NRXN3: variants seen among roughly 807,000 people sequenced by gnomAD.
NRXN3 encodes the protein neurexin 3, also known as neurexin III.
A neutral mutation model predicts 137.6 loss-of-function variants in NRXN3; 32 were observed. The observed-to-expected ratio is 0.23, with a 90% confidence interval of 0.18 to 0.31. The LOEUF (loss-of-function observed/expected upper bound fraction) is 0.31, where lower values mean the gene tolerates loss of function less well. Among genes scored for constraint, NRXN3 ranks in the 10% least tolerant of loss-of-function variants. The pLI, the probability that NRXN3 is intolerant of heterozygous loss-of-function variation, is 1.00. For missense variants in NRXN3, 1,574 were observed against 2,062.5 expected (o/e 0.76, Z 4.59); for synonymous variants, 798 against 784.5 (o/e 1.02, Z -0.29).
chr14:78,346,387 C>A (rs924195228), intron 4 of NRXN3, among the ~76,000 whole-genome samples: 1 of 152,210 alleles, frequency 6.6e-6, no homozygotes. Flanking sequence ...CTCAGTAATT[C>A]TCATAATCAC....
At chr14:79,694,840 G>A (rs1355018798) in intron 18 of NRXN3, among the ~76,000 whole-genome samples, 1 of 151,964 alleles carries the variant, frequency 6.6e-6, no homozygotes, top group African/African-American at 2.4e-5. Flanking sequence ...CCAAGGTACA[G>A]GGAGCTAGGA....
chr14:79,862,247 G>T lies in NRXN3; in HGVS notation c.*283G>T. On this transcript the variant is annotated 3_prime_UTR_variant, in exon 21 of 21. Transcript: ENST00000335750. ...TCATAAAGCACACACTTAGCGCTCT[G>T]GAGCCGGACGGTGGCTCCACCACTT... 3.6e-6 allele frequency: 1 copy of T among 276,210 alleles called. No individual in the cohort carries two copies. The highest frequency in any genetic ancestry group is 6.9e-6 in the Non-Finnish European group (1 of 145,162). 17.1% of individuals were successfully genotyped at this position (276,210 alleles called of 1,614,324 possible). A position where few individuals can be genotyped will look rare whatever the true frequency, so the allele number is the denominator to read the frequency against.
At chr14:79,197,993 T>C (rs1319773627) in intron 15 of NRXN3, among the ~76,000 whole-genome samples, 2 of 152,210 alleles carry the variant, frequency 1.3e-5, no homozygotes, top group African/African-American at 2.4e-5. Flanking sequence ...CTGAAGAAAC[T>C]ACTCTTTGCT....
At chr14:78,181,353 C>T (rs1438062835) in intron 1 of NRXN3, among the ~76,000 whole-genome samples, 1 of 151,926 alleles carries the variant, frequency 6.6e-6, no homozygotes. Context: ...GTGGAGATCT[C>T]TAGGGGTAGC....
At chr14:79,387,320 G>C (rs1271243393) in intron 15 of NRXN3, among the ~76,000 whole-genome samples, 2 of 152,168 alleles carry the variant, frequency 1.3e-5, no homozygotes, top group African/African-American at 2.4e-5. Context: ...CTCAAAAGAA[G>C]ACATTTATGC....
At chr14:79,709,463 C>G (rs985625041) in intron 19 of NRXN3, among the ~76,000 whole-genome samples, 2 of 152,122 alleles carry the variant, frequency 1.3e-5, no homozygotes, top group African/African-American at 4.8e-5. Context: ...ACTGCATACC[C>G]CCAAGGCAGA....
chr14:79,438,611 A>G (rs1488847458), intron 15 of NRXN3, among the ~76,000 whole-genome samples: 1 of 152,222 alleles, frequency 6.6e-6, no homozygotes, highest in Non-Finnish European at 1.5e-5. Context: ...TGAGTAGAGC[A>G]GCAACAACAA....
intron 15 of NRXN3, among the ~76,000 whole-genome samples, chr14:79,029,876 C>T (rs1173771567): frequency 2.0e-5 from 3 of 151,780 alleles, no homozygotes; most frequent in South Asian, 2.1e-4. Flanking sequence ...AACAGGGACT[C>T]ATTTTTTTCA....
chr14:79,634,717 C>T (rs1185225695), intron 16 of NRXN3, among the ~76,000 whole-genome samples: 1 of 152,172 alleles, frequency 6.6e-6, no homozygotes, highest in Non-Finnish European at 1.5e-5. Flanking sequence ...GCTCTTTCCT[C>T]TTTCCTTTAC....
intron 8 of NRXN3, among the ~76,000 whole-genome samples, chr14:78,717,203 AG>A: frequency 6.6e-6 from 1 of 152,208 alleles, no homozygotes; most frequent in East Asian, 1.9e-4. Context: ...GACTGTAGCC[AG>A]CTGTACAAGG....
At position 78,179,840 on chromosome 14, in the gene NRXN3, TTG is replaced by T. The variant is rs1396975224; in HGVS notation, c.-704+9168_-704+9169del. Among the ~76,000 whole-genome samples the T allele has an allele frequency of 4.4e-3, 615 of 139,128 alleles. 9 individuals are homozygous for T. Among genetic ancestry groups the T allele is most frequent in the South Asian group, 0.018 (81 of 4,412 alleles). 91.3% of individuals were successfully genotyped at this position (139,128 alleles called of 152,430 possible). ...TTTTTTTTTGTTTGTTTCTGTTTTT[TTG>T]TTTTTTTTTTTTTCTTGTTTTAGAC... is the stretch of plus-strand genomic sequence containing the variant. On this transcript the variant is annotated intron_variant, in intron 1 of 20. Coordinates refer to ENST00000335750, the MANE Select transcript of NRXN3 (RefSeq NM_001330195.2).
chr14:79,043,443 C>T lies in NRXN3; in HGVS notation c.3262+55302C>T, dbSNP rs183516372. 2.9e-4 allele frequency among the ~76,000 whole-genome samples: 44 copies of T among 152,310 alleles called. 1 individual carries two copies. Among genetic ancestry groups the T allele is most frequent in the Admixed American group, 2.6e-3 (40 of 15,298 alleles). On this transcript the variant is annotated intron_variant, in intron 15 of 20. Transcript: ENST00000335750. ...GCTTGCTTAAGTGAAGCAGTTTGCA[C>T]TCTGCCTCTTTATTCAGTTAGGCCT...
At chr14:78,403,852 G>T in intron 4 of NRXN3, 2 of 985,286 alleles carry the variant, frequency 2.0e-6, no homozygotes, top group Non-Finnish European at 2.4e-6. Context: ...TTCCATTCCT[G>T]CAGTGAAATT....
chr14:78,841,227 T>C (rs957272415), intron 10 of NRXN3, among the ~76,000 whole-genome samples: 1 of 152,152 alleles, frequency 6.6e-6, no homozygotes, highest in African/African-American at 2.4e-5. Flanking sequence ...TTAAGAAGTG[T>C]CTCTGCTTTG....
At chr14:79,232,689 G>A (rs565967094) in intron 15 of NRXN3, among the ~76,000 whole-genome samples, 2 of 152,242 alleles carry the variant, frequency 1.3e-5, no homozygotes, top group African/African-American at 2.4e-5. Context: ...TACTACATGT[G>A]TGTGAAGTAT....
intron 19 of NRXN3, among the ~76,000 whole-genome samples, chr14:79,783,899 A>C (rs10483934): frequency 0.33 from 50,559 of 151,994 alleles, 8,843 homozygotes; most frequent in Middle Eastern, 0.43. Context: ...AATGCAAAAA[A>C]TAAGAATAAA....
At position 79,648,001 on chromosome 14, in the gene NRXN3, A is replaced by G. The variant is rs1251516590; in HGVS notation, c.3445-15777A>G. 1.5e-5 allele frequency among the ~76,000 whole-genome samples: 2 copies of G among 135,400 alleles called. 1 individual carries two copies. Among genetic ancestry groups the G allele is most frequent in the Non-Finnish European group, 3.4e-5 (2 of 58,324 alleles). The allele number at this position is 135,400 out of a possible 152,430, so 88.8% of individuals were successfully genotyped here. On this transcript the variant is annotated intron_variant, in intron 16 of 20. Transcript: ENST00000335750. Reference sequence around the variant, plus strand: ...GTGATTGTTATATTAAGGGTTAAAAAAACAAAAAAGTTTGCAAGAGACAGA... The same window carrying G: ...GTGATTGTTATATTAAGGGTTAAAAGAACAAAAAAGTTTGCAAGAGACAGA...
chr14:79,333,926 G>A (rs2092016087), intron 15 of NRXN3, among the ~76,000 whole-genome samples: 1 of 152,110 alleles, frequency 6.6e-6, no homozygotes, highest in Admixed American at 6.6e-5. Flanking sequence ...TCTTTTTAAA[G>A]CCAAATATGA....
intron 4 of NRXN3, among the ~76,000 whole-genome samples, chr14:78,464,316 A>G (rs2095032344): frequency 1.3e-5 from 2 of 152,206 alleles, no homozygotes; most frequent in African/African-American, 2.4e-5. Flanking sequence ...TCGGCCTTCC[A>G]AAGTGCTGGG....
Sources: gnomAD v4.1 joint callset for allele counts (sites outside exome capture counted in the v4.1 genomes callset) on GRCh38, gnomAD v4.1.1 for gene constraint, MANE v1.5 for transcripts, NCBI Gene and HGNC (gene_info 2026-07-23, HGNC 2026-07-21) for gene names.